Variants in ARHGEF17 observed in about 807,000 individuals in gnomAD.
ARHGEF17 encodes Rho guanine nucleotide exchange factor 17.
In ARHGEF17, 80 loss-of-function variants were observed where a neutral mutation model predicts 174.0. The observed-to-expected ratio is 0.46, with a 90% CI of 0.38 to 0.55. The LOEUF (loss-of-function observed/expected upper bound fraction) is 0.55. Ranked by LOEUF, ARHGEF17 falls within the 20% of genes least tolerant of loss-of-function variation. ARHGEF17 has a pLI of 0.00. For missense variants in ARHGEF17, 2,886 were observed against 2,839.7 expected, an observed-to-expected ratio of 1.02 and a Z score of -0.37; for synonymous variants, 1,311 against 1,189.1, an observed-to-expected ratio of 1.10 and a Z score of -2.11.
Position 73,309,490 on chromosome 11 carries a change from G to C in ARHGEF17, c.852G>C (p.Glu284Asp), listed in dbSNP as rs938085864. 3.9e-6 allele frequency: 6 copies of C among 1,548,732 alleles called. No homozygotes were observed. In the South Asian group the frequency reaches 7.2e-5, roughly 19 times the overall value. Residue 284 changes from glutamate (E) to aspartate (D), a missense_variant, in exon 1 of 21, where the codon GAG (glutamate) becomes GAC (aspartate). Transcript: ENST00000263674. Reference sequence around the variant, plus strand: ...GCAGTGACGACGACCGAGACGGTGAGGGCGGCCACCGCTGGGGAGGGAGGC... The same window carrying C: ...GCAGTGACGACGACCGAGACGGTGACGGCGGCCACCGCTGGGGAGGGAGGC... Reference protein sequence around the residue: ...SSGSDDDRDGEGGHRWGGRPG... With the variant: ...SSGSDDDRDGDGGHRWGGRPG...
rs1258148850 is a variant in ARHGEF17, at chr11:73,308,418, C to G, written c.-221C>G. On this transcript the variant is annotated 5_prime_UTR_variant, in exon 1 of 21. Transcript: ENST00000263674. Reference sequence around the variant, plus strand: ...GGCGGGGGCTGGGCCTGGGGGTCGGCGCTGAGGCGGGAGGGGCCGCCCGGG... The same window carrying G: ...GGCGGGGGCTGGGCCTGGGGGTCGGGGCTGAGGCGGGAGGGGCCGCCCGGG... 2.3e-6 allele frequency: 1 copy of G among 425,634 alleles called. No individual in the cohort carries two copies. Among genetic ancestry groups the G allele is most frequent in the African/African-American group, 2.1e-5 (1 of 48,542 alleles). 26.4% of individuals were successfully genotyped at this position (425,634 alleles called of 1,614,324 possible). A position where few individuals can be genotyped will look rare whatever the true frequency, so the allele number is the denominator to read the frequency against.
At position 73,356,217 on chromosome 11, in the gene ARHGEF17, C is replaced by T; in HGVS notation, c.3706C>T (p.Leu1236Phe). The T allele has an allele frequency of 1.9e-6, 3 of 1,614,054 alleles. No homozygotes were observed. Among genetic ancestry groups the T allele is most frequent in the South Asian group, 1.1e-5 (1 of 91,080 alleles). ...ACCTGAGGACCACCCGGACCATCCA[C>T]TCCTGCTGGAGGCGCAGCGGAACAT... ...HTPEDHPDHP[L>F]LLEAQRNIKQ... The change falls in exon 6 of 21, where the codon CTC becomes TTC. Residue 1236 changes from leucine (L) to phenylalanine (F), a missense_variant. Leu to Phe is a conservative substitution (Grantham distance 22). This residue lies in a region of ARHGEF17 where 353 missense variants were observed against 470.3 expected (regional missense o/e 0.75). Coordinates refer to ENST00000263674, the MANE Select transcript of ARHGEF17 (RefSeq NM_014786.4).
intron 1 of ARHGEF17, among the ~76,000 whole-genome samples, chr11:73,343,455 C>T (rs560667597): frequency 6.6e-6 from 1 of 152,210 alleles, no homozygotes; most frequent in African/African-American, 2.4e-5. Context: ...GGTGGTGTGG[C>T]TGGCAGGGCG....
Position 73,367,708 on chromosome 11 carries a change from T to A in ARHGEF17, c.6120T>A (p.Ser2040Arg). Reference sequence around the variant, plus strand: ...GCTATGAGGACTTCCGACTCAGCAGTGGGGGCGGCAGCAGCAGTGAGACTG... The same window carrying A: ...GCTATGAGGACTTCCGACTCAGCAGAGGGGGCGGCAGCAGCAGTGAGACTG... Reference protein sequence around the residue: ...GDGYEDFRLSSGGGSSSETVG... With the variant: ...GDGYEDFRLSRGGGSSSETVG... Residue 2040 changes from serine to arginine, a missense_variant, in exon 21 of 21, where the codon AGT becomes AGA. This residue lies in a region of ARHGEF17 where 329 missense variants were observed against 435.2 expected (regional missense o/e 0.76). Coordinates refer to ENST00000263674, the MANE Select transcript of ARHGEF17 (RefSeq NM_014786.4). 6.2e-7 allele frequency: 1 copy of A among 1,613,960 alleles called. No homozygotes were observed. The highest frequency in any genetic ancestry group is 8.5e-7 in the Non-Finnish European group (1 of 1,179,950).
chr11:73,336,052 T>C (rs1221749043), intron 1 of ARHGEF17, among the ~76,000 whole-genome samples: 1 of 152,226 alleles, frequency 6.6e-6, no homozygotes, highest in Non-Finnish European at 1.5e-5. Flanking sequence ...TGGAAGAGAA[T>C]ACAGCCTCCT....
chr11:73,336,419 C>T (rs1015745694), intron 1 of ARHGEF17, among the ~76,000 whole-genome samples: 12 of 152,170 alleles, frequency 7.9e-5, no homozygotes, highest in African/African-American at 2.9e-4. Flanking sequence ...GGGCTGGGAG[C>T]GCAGTGGGTA....
At chr11:73,347,946 G>A (rs1865492431) in intron 2 of ARHGEF17, among the ~76,000 whole-genome samples, 1 of 152,196 alleles carries the variant, frequency 6.6e-6, no homozygotes, top group African/African-American at 2.4e-5. Context: ...CCAAGATGAT[G>A]TCTGGGCTCC....
At chr11:73,353,256 ACT>A in intron 3 of ARHGEF17, 1 of 572,726 alleles carries the variant, frequency 1.7e-6, no homozygotes, top group Non-Finnish European at 3.1e-6. Context: ...CCAGACACTG[ACT>A]CTGATCCTGG....
intron 13 of ARHGEF17, 78 bp from the exon 14 acceptor site, chr11:73,362,355 C>T (rs1253082309): frequency 4.1e-6 from 6 of 1,451,118 alleles, no homozygotes; most frequent in Non-Finnish European, 5.4e-6. Flanking sequence ...CGAGTGTGGG[C>T]GGGGTCGGTG....
chr11:73,344,083 C>T (rs1865420940), intron 1 of ARHGEF17, among the ~76,000 whole-genome samples: 1 of 152,206 alleles, frequency 6.6e-6, no homozygotes, highest in Non-Finnish European at 1.5e-5. Context: ...TGCTGTATCC[C>T]CCAGTGCCCA....
intron 1 of ARHGEF17, among the ~76,000 whole-genome samples, chr11:73,343,984 CGT>C (rs1018957053): frequency 2.0e-5 from 3 of 152,180 alleles, no homozygotes; most frequent in Non-Finnish European, 4.4e-5. Context: ...TCTCTGTGTG[CGT>C]GTCTGTCTTC....
intron 7 of ARHGEF17, 90 bp from the exon 8 acceptor site, chr11:73,356,935 G>T: frequency 3.3e-6 from 5 of 1,498,562 alleles, no homozygotes; most frequent in Non-Finnish European, 4.6e-6. Flanking sequence ...CACTCTCCCT[G>T]GGTCTCAGTG....
intron 1 of ARHGEF17, among the ~76,000 whole-genome samples, chr11:73,324,288 C>G (rs1350079481): frequency 2.0e-5 from 3 of 152,142 alleles, no homozygotes; most frequent in Non-Finnish European, 4.4e-5. Context: ...GTGGATCCAC[C>G]CATGCCAAGC....
intron 1 of ARHGEF17, among the ~76,000 whole-genome samples, chr11:73,343,625 TAG>T (rs1399376706): frequency 6.6e-6 from 1 of 152,148 alleles, no homozygotes; most frequent in East Asian, 1.9e-4. Context: ...TGCTGGAAAG[TAG>T]AGTCAGTTTT....
At position 73,310,579 on chromosome 11, in the gene ARHGEF17, C is replaced by T. The variant is rs1864805397; in HGVS notation, c.1941C>T (p.Gly647=). 3 of 1,614,004 alleles carry T rather than the reference C, an allele frequency of 1.9e-6. No individual in the cohort carries two copies. Among genetic ancestry groups the T allele is most frequent in the African/African-American group, 1.3e-5 (1 of 74,926 alleles). The change falls in exon 1 of 21, where the codon GGC becomes GGT. Residue 647 remains glycine (G), a synonymous_variant. Transcript: ENST00000263674. ...CTGAGTCCAGTCTGACAGATGAAGG[C>T]ATTGGGGCAGACCCTGAGCCTCCTG... ...SGPESSLTDE[G]IGADPEPPVA...
intron 3 of ARHGEF17, among the ~76,000 whole-genome samples, chr11:73,355,108 C>T (rs916727488): frequency 2.0e-5 from 3 of 152,188 alleles, no homozygotes; most frequent in Non-Finnish European, 2.9e-5. Flanking sequence ...AAGGGCATTC[C>T]TGGTGGGGGG....
At chr11:73,361,050 C>G (rs1865729425) in intron 11 of ARHGEF17, 38 bp from the exon 12 acceptor site, 10 of 1,561,700 alleles carry the variant, frequency 6.4e-6, no homozygotes, top group African/African-American at 1.4e-5. Flanking sequence ...GGATGCTATG[C>G]TAAGCAGGGT....
chr11:73,316,535 G>T (rs982787100), intron 1 of ARHGEF17, among the ~76,000 whole-genome samples: 11 of 152,204 alleles, frequency 7.2e-5, no homozygotes, highest in African/African-American at 2.7e-4. Context: ...GGTGACATTT[G>T]AGCAGAAGCC....
At chr11:73,331,698 A>C (rs774016391) in intron 1 of ARHGEF17, among the ~76,000 whole-genome samples, 4 of 152,168 alleles carry the variant, frequency 2.6e-5, no homozygotes, top group Non-Finnish European at 5.9e-5. Flanking sequence ...GAAAAGGCAC[A>C]AAGTGCTGCC....
Sources: gnomAD v4.1 joint callset for allele counts (sites outside exome capture counted in the v4.1 genomes callset) on GRCh38, gnomAD v4.1.1 for gene constraint, gnomAD v4.1.1 regional missense constraint, MANE v1.5 for transcripts, NCBI Gene and HGNC (gene_info 2026-07-23, HGNC 2026-07-21) for gene names.